The following VRK1 variants were observed in gnomAD, a reference collection of about 807,000 sequenced individuals.
VRK1 encodes the protein serine/threonine-protein kinase VRK1.
A neutral mutation model predicts 57.1 loss-of-function variants in VRK1; 33 were observed. That is an observed-to-expected ratio of 0.58 (90% CI 0.44 to 0.77). The LOEUF (loss-of-function observed/expected upper bound fraction) is 0.77. Among genes scored for constraint, VRK1 ranks in the 30% least tolerant of loss-of-function variants. The pLI is 0.00. For missense variants in VRK1, 413 were observed against 477.3 expected, an observed-to-expected ratio of 0.87 and a Z score of 1.25; for synonymous variants, 137 against 147.8, an observed-to-expected ratio of 0.93 and a Z score of 0.53.
intron 2 of VRK1, 111 bp from the exon 3 acceptor site, chr14:96,837,651 A>T: frequency 1.9e-6 from 1 of 524,186 alleles, no homozygotes; most frequent in Admixed American, 4.0e-5. Flanking sequence ...TGAAACACAT[A>T]CTTGGGAACT....
intron 1 of VRK1, among the ~76,000 whole-genome samples, chr14:96,806,769 T>C (rs1462315197): frequency 6.6e-6 from 1 of 152,170 alleles, no homozygotes; most frequent in Non-Finnish European, 1.5e-5. Flanking sequence ...TGGAGAGGTA[T>C]CTGAAACAAA....
chr14:96,810,836 G>A (rs1437507826), intron 1 of VRK1, among the ~76,000 whole-genome samples: 1 of 152,080 alleles, frequency 6.6e-6, no homozygotes, highest in Non-Finnish European at 1.5e-5. Flanking sequence ...CCAGCTTTAT[G>A]TTGTTCCCAG....
At chr14:96,856,642 G>GT in intron 10 of VRK1, 56 bp downstream of exon 10, 1 of 1,450,080 alleles carries the variant, frequency 6.9e-7, no homozygotes, top group South Asian at 1.2e-5. Context: ...GGATAAAAAG[G>GT]CATGATATCC....
chr14:96,862,068 C>T (rs139931699), intron 11 of VRK1, among the ~76,000 whole-genome samples: 6 of 152,312 alleles, frequency 3.9e-5, no homozygotes, highest in Non-Finnish European at 8.8e-5. Context: ...AGAGCAACCA[C>T]CTCCCTCCGC....
At chr14:96,824,875 G>A (rs368823733) in intron 1 of VRK1, among the ~76,000 whole-genome samples, 188 of 151,916 alleles carry the variant, frequency 1.2e-3, no homozygotes, top group Non-Finnish European at 2.3e-3. Context: ...GGATGGTCTC[G>A]ATCTCCTGAC....
In VRK1 at chr14:96,808,710, T is replaced by A. The variant is rs114823694; in HGVS notation, c.-6+11263T>A. Among the ~76,000 whole-genome samples, 169 of 152,096 alleles carry A rather than the reference T, an allele frequency of 1.1e-3. No homozygotes were observed. In the Middle Eastern group the frequency reaches 0.014, roughly 12 times the overall value. On this transcript the variant is annotated intron_variant, in intron 1 of 12. Transcript: ENST00000216639. ...CTTTTACTCGATGTTGTGTCTGAGA[T>A]TCATTCATGTTGTTGCATGTAGTTT...
chr14:96,851,140 ATTTTT>A (rs771195713), intron 5 of VRK1, among the ~76,000 whole-genome samples: 2 of 145,680 alleles, frequency 1.4e-5, no homozygotes, highest in Admixed American at 1.4e-4. Context: ...TTTGTCACAA[ATTTTT>A]TTTTTTTTTT....
At chr14:96,820,152 C>CT (rs33999633) in intron 1 of VRK1, among the ~76,000 whole-genome samples, 93,202 of 151,740 alleles carry the variant, frequency 0.61, 29,410 homozygotes, top group South Asian at 0.66. Flanking sequence ...ATAAAATTCA[C>CT]TTTCATCACT....
intron 1 of VRK1, among the ~76,000 whole-genome samples, chr14:96,807,945 C>T (rs8018109): frequency 6.6e-6 from 1 of 151,956 alleles, no homozygotes; most frequent in African/African-American, 2.4e-5. Flanking sequence ...CTTTCTCTGT[C>T]TCTCTCTCTG....
chr14:96,823,238 C>T (rs1304930105), intron 1 of VRK1, among the ~76,000 whole-genome samples: 2 of 152,168 alleles, frequency 1.3e-5, no homozygotes, highest in Non-Finnish European at 2.9e-5. Context: ...TCTGTCTCTT[C>T]CTGCCAGAAT....
intron 5 of VRK1, among the ~76,000 whole-genome samples, chr14:96,849,259 G>A (rs1200365440): frequency 1.3e-5 from 2 of 152,070 alleles, no homozygotes; most frequent in Non-Finnish European, 1.5e-5. Context: ...CCTTAGTGAT[G>A]ACTTGCTAGG....
At chr14:96,854,354 A>G (rs1287128045) in intron 7 of VRK1, among the ~76,000 whole-genome samples, 1 of 152,132 alleles carries the variant, frequency 6.6e-6, no homozygotes, top group Admixed American at 6.6e-5. Flanking sequence ...ATATTTTTGC[A>G]GCTCTGTTAT....
chr14:96,834,600 GC>G (rs1455128786), intron 2 of VRK1, among the ~76,000 whole-genome samples: 1 of 152,174 alleles, frequency 6.6e-6, no homozygotes, highest in Non-Finnish European at 1.5e-5. Flanking sequence ...GCAGTGGGCC[GC>G]CCTTGGTCAG....
intron 7 of VRK1, 107 bp downstream of exon 7, chr14:96,853,273 A>G (rs1219333726): frequency 1.1e-6 from 1 of 896,674 alleles, no homozygotes; most frequent in Non-Finnish European, 1.8e-6. Flanking sequence ...TTTGAAGTAG[A>G]TATGGTAATA....
In VRK1 at chr14:96,866,142, G is replaced by A. The variant is rs116940578; in HGVS notation, c.1068+5407G>A. On this transcript the variant is annotated intron_variant, in intron 11 of 12. Coordinates refer to ENST00000216639, the MANE Select transcript of VRK1 (RefSeq NM_003384.3). ...GTGCTTATTCTATCTTATTCATATT[G>A]GATAAGGAGAGCTTTATGTGAATTT... is the stretch of plus-strand genomic sequence containing the variant. Among the ~76,000 whole-genome samples, 439 of 151,950 alleles carry A rather than the reference G, an allele frequency of 2.9e-3. 2 individuals carry two copies. The highest frequency in any genetic ancestry group is 5.5e-3 in the Non-Finnish European group (374 of 67,924).
intron 10 of VRK1, among the ~76,000 whole-genome samples, chr14:96,859,550 T>C (rs1888299083): frequency 1.3e-5 from 2 of 152,180 alleles, no homozygotes; most frequent in African/African-American, 4.8e-5. Flanking sequence ...AGTTAGGGAT[T>C]GTTGTCCGTT....
rs1399038796 is a variant in VRK1 at position 96,834,944 on chromosome 14, T to TA, written c.160+1320dup. Among the ~76,000 whole-genome samples the TA allele has an allele frequency of 3.3e-5, 5 of 152,274 alleles. No homozygotes were observed. The East Asian group carries it at 9.6e-4, about 29-fold the overall frequency. On this transcript the variant is annotated intron_variant, in intron 2 of 12. Coordinates refer to ENST00000216639, the MANE Select transcript of VRK1 (RefSeq NM_003384.3). ...TCCTGTATTAATAGAAACCTGTCTCTAAAAAAATAGGTTCTTCATTTTATA... is the reference window on the plus strand; with the variant it reads ...TCCTGTATTAATAGAAACCTGTCTCTAAAAAAAATAGGTTCTTCATTTTATA...
intron 3 of VRK1, among the ~76,000 whole-genome samples, chr14:96,838,743 A>C (rs536621771): frequency 6.6e-6 from 1 of 152,250 alleles, no homozygotes; most frequent in South Asian, 2.1e-4. Flanking sequence ...ACACAGCCAA[A>C]CCATATCAAC....
chr14:96,866,098 C>T (rs1888576818), intron 11 of VRK1, among the ~76,000 whole-genome samples: 1 of 151,876 alleles, frequency 6.6e-6, no homozygotes, highest in South Asian at 2.1e-4. Flanking sequence ...TTTCTTGTCT[C>T]CTGGTATTCT....
Sources: gnomAD v4.1 joint callset for allele counts (sites outside exome capture counted in the v4.1 genomes callset) on GRCh38, gnomAD v4.1.1 for gene constraint, MANE v1.5 for transcripts, NCBI Gene and HGNC (gene_info 2026-07-23, HGNC 2026-07-21) for gene names.